The following MDGA2 variants were observed in gnomAD, a reference collection of about 807,000 sequenced individuals.
The protein encoded by MDGA2 is MAM domain containing glycosylphosphatidylinositol anchor 2, also known as MAM domain-containing glycosylphosphatidylinositol anchor protein 2.
In MDGA2, 40 loss-of-function variants were observed where a neutral mutation model predicts 117.8. The observed-to-expected ratio is 0.34, with a 90% CI of 0.26 to 0.44. The LOEUF is 0.44. Among genes scored for constraint, MDGA2 ranks in the 20% least tolerant of loss-of-function variants. The pLI, the probability that MDGA2 is intolerant of heterozygous loss-of-function variation, is 1.00. For missense variants in MDGA2, 1,123 were observed against 1,250.6 expected (o/e 0.90, Z 1.54); for synonymous variants, 452 against 439.0 (o/e 1.03, Z -0.37).
At chr14:46,972,917 C>G (rs1886323263) in intron 8 of MDGA2, among the ~76,000 whole-genome samples, 1 of 151,926 alleles carries the variant, frequency 6.6e-6, no homozygotes, top group Non-Finnish European at 1.5e-5. Context: ...ACTCTAAAAA[C>G]TCAATAATAA....
intron 5 of MDGA2, among the ~76,000 whole-genome samples, chr14:47,110,168 A>C (rs915977286): frequency 5.6e-5 from 6 of 106,962 alleles, no homozygotes; most frequent in African/African-American, 1.8e-4. Context: ...ACCACTCCCA[A>C]AAAAAAAAAA....
chr14:47,433,853 G>A (rs898397635), intron 1 of MDGA2, among the ~76,000 whole-genome samples: 2 of 152,210 alleles, frequency 1.3e-5, no homozygotes, highest in East Asian at 3.9e-4. Context: ...ATGTGTTGAA[G>A]CTTCACAGAG....
At chr14:46,852,837 G>A (rs1257683234) in intron 15 of MDGA2, among the ~76,000 whole-genome samples, 1 of 151,872 alleles carries the variant, frequency 6.6e-6, no homozygotes, top group Non-Finnish European at 1.5e-5. Flanking sequence ...CTCTTCTGAA[G>A]TAACTCAACT....
At chr14:47,399,130 G>T (rs573406077) in intron 1 of MDGA2, among the ~76,000 whole-genome samples, 1 of 152,220 alleles carries the variant, frequency 6.6e-6, no homozygotes, top group East Asian at 1.9e-4. Flanking sequence ...GGTATTGAAA[G>T]ATACTTGCAA....
intron 3 of MDGA2, among the ~76,000 whole-genome samples, chr14:47,151,289 T>A (rs900827945): frequency 1.3e-5 from 2 of 152,216 alleles, no homozygotes; most frequent in Non-Finnish European, 2.9e-5. Context: ...AGGAGATTGA[T>A]GCTTCACTGC....
At chr14:47,670,497 A>G (rs1421180155) in intron 1 of MDGA2, among the ~76,000 whole-genome samples, 2 of 152,322 alleles carry the variant, frequency 1.3e-5, no homozygotes, top group Non-Finnish European at 1.5e-5. Context: ...GTCATTGTCA[A>G]TAGGATCTCT....
intron 1 of MDGA2, among the ~76,000 whole-genome samples, chr14:47,622,111 T>C (rs1184428452): frequency 3.9e-5 from 6 of 152,202 alleles, no homozygotes; most frequent in Non-Finnish European, 7.3e-5. Flanking sequence ...AAACTATGTG[T>C]TTTATAAATT....
chr14:46,974,577 A>C (rs1886385283), intron 8 of MDGA2, among the ~76,000 whole-genome samples: 1 of 152,136 alleles, frequency 6.6e-6, no homozygotes, highest in South Asian at 2.1e-4. Flanking sequence ...CCCCTTGCAT[A>C]TATGGTAAAA....
At chr14:47,025,098 T>C (rs1594539404) in intron 8 of MDGA2, among the ~76,000 whole-genome samples, 1 of 152,116 alleles carries the variant, frequency 6.6e-6, no homozygotes, top group Non-Finnish European at 1.5e-5. Context: ...AAACTATAAT[T>C]ATTATTATCA....
intron 1 of MDGA2, among the ~76,000 whole-genome samples, chr14:47,310,711 C>T (rs1340749732): frequency 6.6e-6 from 1 of 151,806 alleles, no homozygotes. Flanking sequence ...AGACCAAAAA[C>T]CCCATAAATA....
chr14:47,619,596 G>C (rs896038884), intron 1 of MDGA2, among the ~76,000 whole-genome samples: 3 of 152,142 alleles, frequency 2.0e-5, no homozygotes, highest in African/African-American at 7.2e-5. Flanking sequence ...TGGAATCTCA[G>C]AATGACCAAG....
At chr14:47,637,239 A>G (rs1897340091) in intron 1 of MDGA2, among the ~76,000 whole-genome samples, 1 of 152,212 alleles carries the variant, frequency 6.6e-6, no homozygotes, top group Non-Finnish European at 1.5e-5. Flanking sequence ...CTAGGGGTAC[A>G]AACAGGATAC....
At chr14:47,272,879 T>A (rs1423691327) in intron 2 of MDGA2, among the ~76,000 whole-genome samples, 1 of 152,150 alleles carries the variant, frequency 6.6e-6, no homozygotes, top group East Asian at 1.9e-4. Flanking sequence ...CGAAATGCCA[T>A]TAAATTAGCT....
At chr14:47,500,491 T>A (rs1249508494) in intron 1 of MDGA2, among the ~76,000 whole-genome samples, 2 of 152,184 alleles carry the variant, frequency 1.3e-5, no homozygotes, top group East Asian at 3.9e-4. Context: ...GCACCAAGTT[T>A]GTGGTATCCA....
intron 1 of MDGA2, among the ~76,000 whole-genome samples, chr14:47,656,807 A>G (rs1477573268): frequency 1.3e-5 from 2 of 152,300 alleles, no homozygotes; most frequent in African/African-American, 4.8e-5. Flanking sequence ...CCTCCATCAA[A>G]TGTAAACTTA....
chr14:47,582,772 T>G (rs1896252699), intron 1 of MDGA2, among the ~76,000 whole-genome samples: 1 of 151,924 alleles, frequency 6.6e-6, no homozygotes, highest in Non-Finnish European at 1.5e-5. Flanking sequence ...CCTTGGGGTT[T>G]GTTTATATTC....
At chr14:47,073,761 T>A (rs1262034785) in intron 6 of MDGA2, among the ~76,000 whole-genome samples, 1 of 152,080 alleles carries the variant, frequency 6.6e-6, no homozygotes, top group Non-Finnish European at 1.5e-5. Flanking sequence ...TTCCAGAGAG[T>A]GGCAGCTTCA....
At chr14:47,138,374 T>A (rs1421187034) in intron 4 of MDGA2, among the ~76,000 whole-genome samples, 1 of 152,092 alleles carries the variant, frequency 6.6e-6, no homozygotes, top group Non-Finnish European at 1.5e-5. Flanking sequence ...GATGTAAATA[T>A]GTTCAGTCTT....
At chr14:47,561,141 G>GTTTTTT (rs745347174) in intron 1 of MDGA2, among the ~76,000 whole-genome samples, 4 of 52,146 alleles carry the variant, frequency 7.7e-5, no homozygotes, top group African/African-American at 1.6e-4. Flanking sequence ...CTCTATCTTT[G>GTTTTTT]TTTTTTTTTT....
Sources: allele counts gnomAD v4.1 joint callset (sites outside exome capture counted in the v4.1 genomes callset), GRCh38; gene constraint gnomAD v4.1.1; transcripts MANE v1.5; gene names NCBI Gene and HGNC (gene_info 2026-07-23, HGNC 2026-07-21).